AGAP1: variants seen among roughly 807,000 people sequenced by gnomAD.
The protein encoded by AGAP1 is ArfGAP with GTPase domain, ankyrin repeat and PH domain 1.
Under a neutral mutation model 105.3 loss-of-function variants are expected in AGAP1, and 29 were observed. That is an observed-to-expected ratio of 0.28 (90% CI 0.21 to 0.38). The LOEUF (loss-of-function observed/expected upper bound fraction) is 0.38, where lower values mean the gene tolerates loss of function less well. Ranked by LOEUF, AGAP1 falls within the 10% of genes least tolerant of loss-of-function variation. AGAP1 has a pLI of 1.00. For synonymous variants in AGAP1, 509 were observed against 485.9 expected (o/e 1.05, Z -0.63); for missense variants, 998 against 1,165.1 (o/e 0.86, Z 2.09).
chr2:235,813,141 T>C (rs1253078933), intron 9 of AGAP1, among the ~76,000 whole-genome samples: 1 of 152,348 alleles, frequency 6.6e-6, no homozygotes, highest in East Asian at 1.9e-4. Context: ...ATGACAGTCA[T>C]CCGTCTTTGA....
chr2:235,600,523 G>A lies in AGAP1; in HGVS notation c.163+105674G>A, dbSNP rs1945693475. ...TAGGCCAGATATGTAATAAAGGGGA[G>A]TTTATTAAGGAGTATTAACTCACAG... On this transcript the variant is annotated intron_variant, in intron 1 of 17. Transcript: ENST00000304032. This position sits in a 1 kb window ranked among gnomAD's most constrained non-coding sequence, Gnocchi z 4.8. 6.6e-6 allele frequency among the ~76,000 whole-genome samples: 1 copy of A among 152,188 alleles called. No individual in the cohort carries two copies. The highest frequency in any genetic ancestry group is 6.5e-5 in the Admixed American group (1 of 15,280).
At chr2:235,687,968 C>G (rs999142128) in intron 1 of AGAP1, among the ~76,000 whole-genome samples, 1 of 131,744 alleles carries the variant, frequency 7.6e-6, no homozygotes. Context: ...GTGGCGCCAT[C>G]TTGGCTCACT....
chr2:235,912,749 C>T (rs1330456122), intron 11 of AGAP1, among the ~76,000 whole-genome samples: 1 of 152,216 alleles, frequency 6.6e-6, no homozygotes, highest in Non-Finnish European at 1.5e-5. Flanking sequence ...GAAAACTCTT[C>T]CCATCCATAG....
At chr2:235,806,887 C>G (rs1394706136) in intron 8 of AGAP1, among the ~76,000 whole-genome samples, 2 of 152,150 alleles carry the variant, frequency 1.3e-5, no homozygotes, top group African/African-American at 4.8e-5. Flanking sequence ...TGAGCAGCCC[C>G]TTTTTTCCTC....
intron 9 of AGAP1, among the ~76,000 whole-genome samples, chr2:235,823,486 C>A (rs995137055): frequency 6.6e-6 from 1 of 152,140 alleles, no homozygotes; most frequent in African/African-American, 2.4e-5. Context: ...AACTGCCCAA[C>A]AAACATGCTG....
chr2:235,772,212 C>T lies in AGAP1; in HGVS notation c.673+21724C>T, dbSNP rs573872025. On this transcript the variant is annotated intron_variant, in intron 6 of 17. Coordinates refer to ENST00000304032, the MANE Select transcript of AGAP1 (RefSeq NM_001037131.3). ...ACAGGGATGTCGGCCAGGCTGGTCT[C>T]GAATCCTGACCTCAGGTGATCCGCC... Among the ~76,000 whole-genome samples, 8 of 152,090 alleles carry T rather than the reference C, an allele frequency of 5.3e-5. No individual in the cohort carries two copies. In the East Asian group the frequency reaches 1.5e-3, roughly 29 times the overall value.
intron 1 of AGAP1, among the ~76,000 whole-genome samples, chr2:235,702,266 T>G (rs1950293349): frequency 6.6e-6 from 1 of 152,210 alleles, no homozygotes; most frequent in Non-Finnish European, 1.5e-5. Context: ...TGCTGGGGAA[T>G]GAGCCCACCT....
intron 6 of AGAP1, among the ~76,000 whole-genome samples, chr2:235,784,332 T>G (rs1185204615): frequency 6.6e-6 from 1 of 152,178 alleles, no homozygotes; most frequent in Non-Finnish European, 1.5e-5. Context: ...ATTTCACTAA[T>G]GCATAGAAAC....
In AGAP1 at chr2:235,609,819, C is replaced by T. The variant is rs1331724036; in HGVS notation, c.164-99360C>T. Reference sequence around the variant, plus strand: ...AGTGGGAGGCTGTGGGCATATTTGGCGCTTGGCAGGATTGAAGGCGCAACT... The same window carrying T: ...AGTGGGAGGCTGTGGGCATATTTGGTGCTTGGCAGGATTGAAGGCGCAACT... On this transcript the variant is annotated intron_variant, in intron 1 of 17. Coordinates refer to ENST00000304032, the MANE Select transcript of AGAP1 (RefSeq NM_001037131.3). The surrounding 1 kb of genome is among the most constrained non-coding windows in gnomAD (Gnocchi z 5.1). Among the ~76,000 whole-genome samples the T allele has an allele frequency of 3.9e-5, 6 of 152,184 alleles. No homozygotes were observed. Among genetic ancestry groups the T allele is most frequent in the South Asian group, 2.1e-4 (1 of 4,824 alleles).
chr2:235,966,651 A>G (rs2054413365), intron 12 of AGAP1, among the ~76,000 whole-genome samples: 1 of 152,146 alleles, frequency 6.6e-6, no homozygotes, highest in South Asian at 2.1e-4. Flanking sequence ...CAAGGAGTGC[A>G]CATGGTTGAC....
chr2:235,537,898 A>T (rs1343655693), intron 1 of AGAP1, among the ~76,000 whole-genome samples: 1 of 152,170 alleles, frequency 6.6e-6, no homozygotes, highest in Non-Finnish European at 1.5e-5. Context: ...TGCTTCTGTC[A>T]TCAGAATATC....
At position 235,981,379 on chromosome 2, in the gene AGAP1, A is replaced by G. The variant is rs2055087558; in HGVS notation, c.1645+12756A>G. Among the ~76,000 whole-genome samples, 1 of 152,150 alleles carries G rather than the reference A, an allele frequency of 6.6e-6. No individual in the cohort carries two copies. Among genetic ancestry groups the G allele is most frequent in the South Asian group, 2.1e-4 (1 of 4,830 alleles). Reference sequence around the variant, plus strand: ...GTTGGTTTTCTGCAGAAGCCATGATATACTGTAGGCATGGTTACCAGAACA... The same window carrying G: ...GTTGGTTTTCTGCAGAAGCCATGATGTACTGTAGGCATGGTTACCAGAACA... On this transcript the variant is annotated intron_variant, in intron 13 of 17. Transcript: ENST00000304032. The surrounding 1 kb of genome is among the most constrained non-coding windows in gnomAD (Gnocchi z 5.5).
intron 1 of AGAP1, among the ~76,000 whole-genome samples, chr2:235,515,893 T>C (rs1574738061): frequency 6.6e-6 from 1 of 151,812 alleles, no homozygotes; most frequent in African/African-American, 2.4e-5. Flanking sequence ...TTTAAGGGGG[T>C]GAGGGGAGCT....
chr2:236,074,499 A>G (rs1431114078), intron 16 of AGAP1, among the ~76,000 whole-genome samples: 2 of 152,210 alleles, frequency 1.3e-5, no homozygotes, highest in Non-Finnish European at 2.9e-5. Flanking sequence ...AGCAATTTCA[A>G]GTTCATTCTA....
At chr2:235,819,188 T>G (rs1260376597) in intron 9 of AGAP1, among the ~76,000 whole-genome samples, 5 of 151,468 alleles carry the variant, frequency 3.3e-5, no homozygotes, top group African/African-American at 1.2e-4. Context: ...ATATCTTGGC[T>G]CACTGTAACC....
In AGAP1 at chr2:235,810,837, T is replaced by C. The variant is rs201144969; in HGVS notation, c.1050+3506T>C. Among the ~76,000 whole-genome samples the C allele has an allele frequency of 5.0e-3, 752 of 149,422 alleles. 31 individuals carry two copies. The East Asian group carries it at 0.078, about 16-fold the overall frequency. ...TTGGTTCAGAGAATTCGGTTTCTTT[T>C]TTTTTTTTTTTTTTTTTACTAATAA... On this transcript the variant is annotated intron_variant, in intron 9 of 17. Transcript: ENST00000304032.
intron 16 of AGAP1, among the ~76,000 whole-genome samples, chr2:236,065,300 C>T (rs1229547094): frequency 2.0e-5 from 3 of 152,176 alleles, no homozygotes; most frequent in African/African-American, 4.8e-5. Context: ...TTAGGAGTGT[C>T]GGTGGTGGTG....
At chr2:235,563,985 A>G (rs890526718) in intron 1 of AGAP1, among the ~76,000 whole-genome samples, 3 of 152,142 alleles carry the variant, frequency 2.0e-5, no homozygotes, top group Admixed American at 1.3e-4. Context: ...ACCCATCCTC[A>G]GATGCCTCCT....
In AGAP1 at chr2:235,729,955, C is replaced by G. The variant is rs763036219; in HGVS notation, c.311-11008C>G. ...CTTTTACACAGGCAGTTCGCCAGCC[C>G]CCTACCCTACAGTATGGAAAAAAGG... On this transcript the variant is annotated intron_variant, in intron 3 of 17. Transcript: ENST00000304032. This position sits in a 1 kb window ranked among gnomAD's most constrained non-coding sequence, Gnocchi z 5.0. Among the ~76,000 whole-genome samples the G allele has an allele frequency of 6.6e-6, 1 of 152,054 alleles. No homozygotes were observed. Among genetic ancestry groups the G allele is most frequent in the African/African-American group, 2.4e-5 (1 of 41,352 alleles).
Sources: allele counts gnomAD v4.1 joint callset (sites outside exome capture counted in the v4.1 genomes callset), GRCh38; gene constraint gnomAD v4.1.1; non-coding constraint Gnocchi (gnomAD v3.1); transcripts MANE v1.5; gene names NCBI Gene and HGNC (gene_info 2026-07-23, HGNC 2026-07-21).